The following PCCA variants were observed in gnomAD, a reference collection of about 807,000 sequenced individuals.
PCCA encodes the protein propionyl-CoA carboxylase alpha chain, mitochondrial.
In PCCA, 74 loss-of-function variants were observed where a neutral mutation model predicts 101.3. The observed-to-expected ratio is 0.73, with a 90% CI of 0.61 to 0.89. The LOEUF (loss-of-function observed/expected upper bound fraction) is 0.89. PCCA is among the 40% of genes least tolerant of loss of function. PCCA has a pLI of 0.00. For missense variants in PCCA, 891 were observed against 907.0 expected (o/e 0.98, Z 0.23); for synonymous variants, 294 against 313.6 (o/e 0.94, Z 0.66).
rs572807191 is a variant in PCCA at position 100,322,252 on chromosome 13, A to G, written c.1430-8309A>G. Among the ~76,000 whole-genome samples, 22 of 152,296 alleles carry G rather than the reference A, an allele frequency of 1.4e-4. No individual in the cohort carries two copies. In the East Asian group the frequency reaches 3.7e-3, roughly 25 times the overall value. On this transcript the variant is annotated intron_variant, in intron 16 of 23. Coordinates refer to ENST00000376285, the MANE Select transcript of PCCA (RefSeq NM_000282.4). ...GTAAGACGAGAAGAAAGGAAGCTCA[A>G]GCAAGCAATGAGAGAGTCGGAAGTT...
intron 17 of PCCA, among the ~76,000 whole-genome samples, chr13:100,331,088 G>T (rs971675859): frequency 1.3e-5 from 2 of 152,196 alleles, no homozygotes; most frequent in African/African-American, 4.8e-5. Flanking sequence ...CCAGATTCTG[G>T]TCCTATTAAT....
chr13:100,436,210 G>A (rs2079922838), intron 20 of PCCA, among the ~76,000 whole-genome samples: 1 of 152,232 alleles, frequency 6.6e-6, no homozygotes, highest in South Asian at 2.1e-4. Flanking sequence ...TGTAAATGAA[G>A]TTGCAGCCTA....
intron 4 of PCCA, among the ~76,000 whole-genome samples, chr13:100,113,373 C>G (rs2048504034): frequency 6.6e-6 from 1 of 152,088 alleles, no homozygotes; most frequent in Non-Finnish European, 1.5e-5. Flanking sequence ...GCTTGCAGGA[C>G]TGGAAGCTGG....
intron 4 of PCCA, among the ~76,000 whole-genome samples, chr13:100,115,228 T>C (rs1022477992): frequency 6.6e-6 from 1 of 151,788 alleles, no homozygotes; most frequent in Non-Finnish European, 1.5e-5. Context: ...TGAAAACAAT[T>C]GGACTCATAG....
intron 7 of PCCA, among the ~76,000 whole-genome samples, chr13:100,216,245 A>G (rs919172468): frequency 6.6e-6 from 1 of 152,218 alleles, no homozygotes. Flanking sequence ...AAAGCATATT[A>G]GGCAGAAAGA....
At chr13:100,465,054 G>C (rs1215130043) in intron 21 of PCCA, among the ~76,000 whole-genome samples, 2 of 152,098 alleles carry the variant, frequency 1.3e-5, no homozygotes, top group East Asian at 3.9e-4. Context: ...AGTGGGAATG[G>C]CAGCTCTTCT....
chr13:100,517,340 C>A (rs1358687691), intron 22 of PCCA, among the ~76,000 whole-genome samples: 3 of 152,168 alleles, frequency 2.0e-5, no homozygotes, highest in East Asian at 1.9e-4. Flanking sequence ...ATCTGACTTT[C>A]CCACATACCG....
intron 21 of PCCA, among the ~76,000 whole-genome samples, chr13:100,478,857 T>C (rs2152965726): frequency 6.6e-6 from 1 of 152,278 alleles, no homozygotes; most frequent in Non-Finnish European, 1.5e-5. Flanking sequence ...CCTCATATTA[T>C]AGTAACAGAA....
At chr13:100,103,089 AT>A in intron 2 of PCCA, 129 bp downstream of exon 2, 1 of 686,298 alleles carries the variant, frequency 1.5e-6, no homozygotes, top group Non-Finnish European at 2.6e-6. Flanking sequence ...TCACTCTAGC[AT>A]TGTGTGTTTC....
intron 4 of PCCA, among the ~76,000 whole-genome samples, chr13:100,154,168 T>C (rs1327764561): frequency 6.6e-6 from 1 of 152,126 alleles, no homozygotes; most frequent in Non-Finnish European, 1.5e-5. Context: ...CATTAGGAAA[T>C]TAGGAAAAGT....
At chr13:100,516,206 G>A (rs913081735) in intron 22 of PCCA, among the ~76,000 whole-genome samples, 4 of 152,210 alleles carry the variant, frequency 2.6e-5, no homozygotes, top group Non-Finnish European at 2.9e-5. Flanking sequence ...AGCAGCAAAA[G>A]TGAAAAGAAA....
intron 21 of PCCA, among the ~76,000 whole-genome samples, chr13:100,504,379 G>T (rs939285160): frequency 5.9e-5 from 9 of 152,204 alleles, no homozygotes; most frequent in Non-Finnish European, 8.8e-5. Flanking sequence ...ATGATCAGAG[G>T]ACACTTCCAG....
intron 19 of PCCA, among the ~76,000 whole-genome samples, chr13:100,415,826 G>T (rs1487305957): frequency 6.6e-6 from 1 of 152,112 alleles, no homozygotes; most frequent in Non-Finnish European, 1.5e-5. Context: ...ATTTTGTTTT[G>T]TAAGTTTTAC....
chr13:100,105,515 AT>A (rs1172472901), intron 2 of PCCA, among the ~76,000 whole-genome samples: 1 of 152,028 alleles, frequency 6.6e-6, no homozygotes, highest in East Asian at 1.9e-4. Context: ...AGCCTTCCTC[AT>A]TAGCGTAATA....
chr13:100,522,638 T>A (rs1428657158), intron 22 of PCCA, among the ~76,000 whole-genome samples: 1 of 152,162 alleles, frequency 6.6e-6, no homozygotes, highest in East Asian at 1.9e-4. Context: ...GAGACCTGAC[T>A]CCCTCGTCAT....
intron 1 of PCCA, among the ~76,000 whole-genome samples, chr13:100,091,482 C>T (rs2046276520): frequency 6.6e-6 from 1 of 152,190 alleles, no homozygotes; most frequent in South Asian, 2.1e-4. Flanking sequence ...GGGTGGGAAG[C>T]ATCTCTGAAG....
intron 8 of PCCA, among the ~76,000 whole-genome samples, chr13:100,244,601 G>GA (rs754880096): frequency 2.0e-5 from 3 of 151,688 alleles, no homozygotes; most frequent in South Asian, 2.1e-4. Flanking sequence ...ATTGTAATGT[G>GA]AAAAAAACAT....
chr13:100,206,093 A>G (rs2058835357), intron 6 of PCCA, among the ~76,000 whole-genome samples: 1 of 152,094 alleles, frequency 6.6e-6, no homozygotes, highest in African/African-American at 2.4e-5. Context: ...ATAAGGTTCT[A>G]CTAAAACCAA....
intron 12 of PCCA, among the ~76,000 whole-genome samples, chr13:100,298,366 A>G (rs761741134): frequency 3.9e-5 from 6 of 152,082 alleles, no homozygotes; most frequent in East Asian, 1.9e-4. Flanking sequence ...TTCCTAAACA[A>G]TCTGTTGAAC....
Sources: gnomAD v4.1 joint callset for allele counts (sites outside exome capture counted in the v4.1 genomes callset) on GRCh38, gnomAD v4.1.1 for gene constraint, MANE v1.5 for transcripts, NCBI Gene and HGNC (gene_info 2026-07-23, HGNC 2026-07-21) for gene names.